COG8: variants seen among roughly 807,000 people sequenced by gnomAD.
The protein encoded by COG8 is conserved oligomeric Golgi complex subunit 8.
COG8 carries 45 observed loss-of-function variants against 46.5 expected under a neutral mutation model. That is an observed-to-expected ratio of 0.97 (90% confidence interval 0.76 to 1.24). COG8 has a LOEUF of 1.24. Ranked by LOEUF, COG8 falls within the 50% of genes most tolerant of loss-of-function variation. The pLI, the probability that COG8 is intolerant of heterozygous loss-of-function variation, is 0.00. For missense variants in COG8, 793 were observed against 820.8 expected, an observed-to-expected ratio of 0.97 and a Z score of 0.41; for synonymous variants, 407 against 347.8, an observed-to-expected ratio of 1.17 and a Z score of -1.90.
chr16:69,336,790 T>C, intron 1 of COG8, 78 bp from the exon 2 acceptor site: 1 of 1,229,962 alleles, frequency 8.1e-7, no homozygotes, highest in Non-Finnish European at 1.2e-6. Flanking sequence ...GTACCTGCTA[T>C]GAACATTGGG....
At position 69,336,679 on chromosome 16, in the gene COG8, G is replaced by A; in HGVS notation, c.411C>T (p.Ser137=). The A allele has an allele frequency of 6.2e-7, 1 of 1,614,124 alleles. No homozygotes were observed. Among genetic ancestry groups the A allele is most frequent in the Non-Finnish European group, 8.5e-7 (1 of 1,180,026 alleles). ...NFVKEAEEIS[S]NRRMNSLTLN... is the part of the protein sequence containing the mutation. ...GGGTCAGGCTATTCATCCGGCGGTTGGAGCTGATCTCCTCGGCTTCCTTCA... is the reference window on the plus strand; with the variant it reads ...GGGTCAGGCTATTCATCCGGCGGTTAGAGCTGATCTCCTCGGCTTCCTTCA... Residue 137 remains serine (S), a synonymous_variant, in exon 2 of 6, where the codon TCC becomes TCT. Coordinates refer to ENST00000306875, the MANE Select transcript of COG8 (RefSeq NM_032382.5).
chr16:69,338,928 A>G (rs2142660699), intron 1 of COG8, among the ~76,000 whole-genome samples: 1 of 152,276 alleles, frequency 6.6e-6, no homozygotes, highest in East Asian at 1.9e-4. Context: ...AGGCAGAGGT[A>G]GGTTGCAGCG....
intron 5 of COG8, among the ~76,000 whole-genome samples, chr16:69,329,509 G>A (rs1390912780): frequency 1.3e-5 from 2 of 152,190 alleles, no homozygotes; most frequent in Non-Finnish European, 2.9e-5. Flanking sequence ...CAGAGGTTCT[G>A]CAGCTTGAGA....
chr16:69,335,462 G>T, intron 2 of COG8, 114 bp from the exon 3 acceptor site: 1 of 901,332 alleles, frequency 1.1e-6, no homozygotes, highest in Non-Finnish European at 1.8e-6. Flanking sequence ...GAAATGTGAA[G>T]TAATTTCCTA....
Position 69,332,741 on chromosome 16 carries a change from G to C in COG8, c.1555C>G (p.Pro519Ala). ...AAAGTCTGTGCTATCTGAGCTGGTG[G>C]AAAAAGGACTTGGAGACAGCGATTT... The part of the protein sequence containing the change: ...YLNRCLQVLF[P>A]PAQIAQTLGI... The change falls in exon 4 of 6, where the codon CCA (proline) becomes GCA (alanine). Residue 519 changes from proline to alanine, a missense_variant. Transcript: ENST00000306875. 1 of 1,614,190 alleles carries C rather than the reference G, an allele frequency of 6.2e-7. No individual in the cohort carries two copies. Among genetic ancestry groups the C allele is most frequent in the Non-Finnish European group, 8.5e-7 (1 of 1,180,010 alleles).
At chr16:69,330,565 G>A (rs1434080823) in intron 5 of COG8, 4 of 1,460,772 alleles carry the variant, frequency 2.7e-6, no homozygotes, top group South Asian at 1.3e-5. Flanking sequence ...CCCACAGCCG[G>A]GCCATGGCGG....
chr16:69,331,159 T>A, intron 4 of COG8, 64 bp from the exon 5 acceptor site: 9 of 1,586,368 alleles, frequency 5.7e-6, no homozygotes, highest in Non-Finnish European at 6.0e-6. Flanking sequence ...TATAGAAATT[T>A]AAGGGAGGCC....
At position 69,339,316 on chromosome 16, in the gene COG8, C is replaced by T; in HGVS notation, c.237G>A (p.Thr79=). 1.9e-6 allele frequency: 3 copies of T among 1,610,686 alleles called. No individual in the cohort carries two copies. Among genetic ancestry groups the T allele is most frequent in the Middle Eastern group, 3.3e-4 (2 of 6,050 alleles). ...AEERAQLLQQ[T]RDLAFANYKT... ...TGTAGTTAGCGAAGGCCAAGTCGCGCGTCTGCTGCAGCAGCTGCGCCCGCT... is the reference window on the plus strand; with the variant it reads ...TGTAGTTAGCGAAGGCCAAGTCGCGTGTCTGCTGCAGCAGCTGCGCCCGCT... Residue 79 remains threonine (T), a synonymous_variant, in exon 1 of 6, where the codon ACG becomes ACA. Coordinates refer to ENST00000306875, the MANE Select transcript of COG8 (RefSeq NM_032382.5).
intron 4 of COG8, among the ~76,000 whole-genome samples, chr16:69,332,092 G>A (rs1462352413): frequency 3.3e-5 from 5 of 152,190 alleles, no homozygotes; most frequent in Non-Finnish European, 7.4e-5. Flanking sequence ...GGTGGCTCAC[G>A]CCTGTAATCC....
rs112279793 is a variant in COG8 at position 69,337,811 on chromosome 16, C to T, written c.378-1099G>A. Among the ~76,000 whole-genome samples, 536 of 151,680 alleles carry T rather than the reference C, an allele frequency of 3.5e-3. 6 individuals carry two copies. Among genetic ancestry groups the T allele is most frequent in the African/African-American group, 0.011 (452 of 41,302 alleles). On this transcript the variant is annotated intron_variant, in intron 1 of 5. Coordinates refer to ENST00000306875, the MANE Select transcript of COG8 (RefSeq NM_032382.5). The stretch of plus-strand genomic sequence containing the variant: ...CAGTGGCACGCATCATCTTGGCTCA[C>T]TGCAACCTCCGCTTCTCAGGTTCAA...
At chr16:69,334,018 G>C (rs1302496213) in intron 3 of COG8, among the ~76,000 whole-genome samples, 2 of 152,178 alleles carry the variant, frequency 1.3e-5, no homozygotes, top group African/African-American at 4.8e-5. Context: ...GTTGTCAGCT[G>C]CCTATGGAGT....
Position 69,329,116 on chromosome 16 carries a change from T to G in COG8, c.*90A>C. On this transcript the variant is annotated 3_prime_UTR_variant, in exon 6 of 6. Coordinates refer to ENST00000306875, the MANE Select transcript of COG8 (RefSeq NM_032382.5). ...GCCCTGCAGGTGGTCCATCTCGTGC[T>G]GGATGATGCGGGCTGCCCACCCGCT... The G allele has an allele frequency of 1.2e-6, 2 of 1,610,956 alleles. No individual in the cohort carries two copies. Among genetic ancestry groups the G allele is most frequent in the Non-Finnish European group, 1.7e-6 (2 of 1,179,402 alleles).
rs1021953939 is a variant in COG8 at position 69,327,342 on chromosome 16, A to G, written c.*1864T>C. ...ACCAGCACACCCAGCTAATTTTCAT[A>G]TTTTTAGTAGAAACAGTGTTTCGCC... On this transcript the variant is annotated 3_prime_UTR_variant, in exon 6 of 6. Transcript: ENST00000306875. 3 of 151,666 alleles carry G rather than the reference A, an allele frequency of 2.0e-5. No individual in the cohort carries two copies. In the East Asian group the frequency reaches 5.8e-4, roughly 29 times the overall value. The allele number at this position is 151,666 out of a possible 1,614,324, so 9.4% of individuals were successfully genotyped here.
rs368159301 is a variant in COG8, at chr16:69,339,518, G to A, written c.35C>T (p.Thr12Met). Residue 12 changes from threonine (T) to methionine (M), a missense_variant, in exon 1 of 6, where the codon ACG (threonine) becomes ATG (methionine). Coordinates refer to ENST00000306875, the MANE Select transcript of COG8 (RefSeq NM_032382.5). ...CTCGCCGAGAGCCGCTGCTGTGGCC[G>A]TGGCTACCGATGGGATAGTCGCCGC... Reference protein sequence around the residue: ...ATAATIPSVATATAAALGEVE... With the variant: ...ATAATIPSVAMATAAALGEVE... The A allele has an allele frequency of 8.7e-6, 14 of 1,607,588 alleles. No homozygotes were observed. Among genetic ancestry groups the A allele is most frequent in the African/African-American group, 2.7e-5 (2 of 74,868 alleles).
At position 69,332,434 on chromosome 16, in the gene COG8, T is replaced by G. The variant is rs115766933; in HGVS notation, c.1582+280A>C. The stretch of plus-strand genomic sequence containing the variant: ...GTATGTAGTTCTTTTGTGACTGGCT[T>G]CTTCCGCTTAGCCAGATACAGCCAC... On this transcript the variant is annotated intron_variant, in intron 4 of 5. Transcript: ENST00000306875. 4.8e-3 allele frequency among the ~76,000 whole-genome samples: 736 copies of G among 152,338 alleles called. 8 individuals are homozygous for G. Among genetic ancestry groups the G allele is most frequent in the African/African-American group, 0.017 (704 of 41,580 alleles).
chr16:69,331,232 C>G (rs2011809319), intron 4 of COG8, 137 bp from the exon 5 acceptor site: 1 of 863,996 alleles, frequency 1.2e-6, no homozygotes, highest in Non-Finnish European at 1.9e-6. Context: ...GGGGGCGGAT[C>G]ACCTGAGGTC....
chr16:69,338,952 C>G (rs897427653), intron 1 of COG8: 2 of 628,958 alleles, frequency 3.2e-6, no homozygotes, highest in Non-Finnish European at 5.4e-6. Context: ...CGAGATCTCG[C>G]CACTGCACTC....
At position 69,339,410 on chromosome 16, in the gene COG8, C is replaced by G; in HGVS notation, c.143G>C (p.Arg48Pro). 6.3e-7 allele frequency: 1 copy of G among 1,581,810 alleles called. No homozygotes were observed. Among genetic ancestry groups the G allele is most frequent in the Non-Finnish European group, 8.6e-7 (1 of 1,169,014 alleles). Reference sequence around the variant, plus strand: ...CGAGCCGCTCAACTCCCGGAGGTAGCGGCCCACATCGGGCCGCTCGCGCCA... The same window carrying G: ...CGAGCCGCTCAACTCCCGGAGGTAGGGGCCCACATCGGGCCGCTCGCGCCA... ...AQWRERPDVG[R>P]YLRELSGSGL... is the part of the protein sequence containing the mutation. The change falls in exon 1 of 6, where the codon CGC becomes CCC. Residue 48 changes from arginine to proline, a missense_variant. Arg to Pro is a moderately radical substitution (Grantham distance 103, BLOSUM62 -2). Coordinates refer to ENST00000306875, the MANE Select transcript of COG8 (RefSeq NM_032382.5).
chr16:69,335,815 C>CAAAA (rs550711525), intron 2 of COG8, among the ~76,000 whole-genome samples: 1 of 88,754 alleles, frequency 1.1e-5, no homozygotes. Context: ...GACTCTGTCT[C>CAAAA]AAAAAAAAAA....
Sources: gnomAD v4.1 joint callset for allele counts (sites outside exome capture counted in the v4.1 genomes callset) on GRCh38, gnomAD v4.1.1 for gene constraint, MANE v1.5 for transcripts, NCBI Gene and HGNC (gene_info 2026-07-23, HGNC 2026-07-21) for gene names.